Variants in TENM1 observed in about 807,000 individuals in gnomAD.
The protein encoded by TENM1 is teneurin transmembrane protein 1, also known as teneurin-1.
A neutral mutation model predicts 174.8 loss-of-function variants in TENM1; 35 were observed. The observed-to-expected ratio is 0.20, with a 90% CI of 0.15 to 0.27. TENM1 has a LOEUF of 0.27. TENM1 is among the 10% of genes least tolerant of loss of function. The pLI, the probability that TENM1 is intolerant of heterozygous loss-of-function variation, is 1.00. For missense variants in TENM1, 1,633 were observed against 2,130.1 expected, an observed-to-expected ratio of 0.77 and a Z score of 4.59; for synonymous variants, 781 against 798.7, an observed-to-expected ratio of 0.98 and a Z score of 0.37.
At chrX:125,160,694 C>T in the TENM1 span, among the ~76,000 whole-genome samples, 1 of 109,762 alleles carries the variant, frequency 9.1e-6, no homozygotes, top group Non-Finnish European at 1.9e-5. Context: ...TATCCTCGCT[C>T]CTCCACTTAT....
At chrX:124,395,432 AAAG>A (rs1200062638) in intron 27 of TENM1, among the ~76,000 whole-genome samples, 2 of 110,828 alleles carry the variant, frequency 1.8e-5, no homozygotes, top group East Asian at 2.8e-4. Context: ...AAAAAAAAAA[AAAG>A]AAGACCTACC....
intron 4 of TENM1, among the ~76,000 whole-genome samples, chrX:124,708,460 T>C (rs2052964314): frequency 2.7e-5 from 3 of 111,651 alleles, no homozygotes; most frequent in Admixed American, 1.9e-4. Flanking sequence ...TAGGAATTTT[T>C]CCTCAGGAAA....
At chrX:124,810,220 T>A (rs1052163650) in intron 3 of TENM1, among the ~76,000 whole-genome samples, 1 of 111,857 alleles carries the variant, frequency 8.9e-6, no homozygotes. Context: ...TCCAGAATAA[T>A]TAGACAGTAG....
chrX:124,811,751 T>C (rs1424239488), intron 3 of TENM1, among the ~76,000 whole-genome samples: 1 of 111,604 alleles, frequency 9.0e-6, no homozygotes, highest in Non-Finnish European at 1.9e-5. Context: ...ATAGTCAAGA[T>C]ATGAAATCAA....
chrX:124,530,599 C>T (rs922456759), intron 15 of TENM1, among the ~76,000 whole-genome samples: 1 of 111,308 alleles, frequency 9.0e-6, no homozygotes, highest in African/African-American at 3.3e-5. Context: ...TTTTAAGCCT[C>T]CTGATATACA....
intron 18 of TENM1, among the ~76,000 whole-genome samples, chrX:124,512,672 A>T (rs1208105496): frequency 9.7e-6 from 1 of 103,286 alleles, no homozygotes; most frequent in Non-Finnish European, 2.0e-5. Flanking sequence ...CTGTTTCCTT[A>T]CAAAAAAATG....
chrX:124,783,780 A>G (rs1039582370), intron 3 of TENM1, among the ~76,000 whole-genome samples: 1 of 112,153 alleles, frequency 8.9e-6, no homozygotes, highest in Non-Finnish European at 1.9e-5. Context: ...GGTGGCAGAA[A>G]TCTTGACAGA....
At chrX:125,005,407 T>TTGTGTGTGTGTG in the TENM1 span, among the ~76,000 whole-genome samples, 1 of 89,479 alleles carries the variant, frequency 1.1e-5, no homozygotes, top group Non-Finnish European at 2.2e-5. Context: ...CCTGACTTGG[T>TTGTGTGTGTGTG]TGTGTGTGTG....
chrX:124,448,535 A>T (rs186031025), intron 23 of TENM1, among the ~76,000 whole-genome samples: 15 of 102,730 alleles, frequency 1.5e-4, no homozygotes, highest in Non-Finnish European at 3.0e-4. Flanking sequence ...CGCTGTTATT[A>T]TCTCTTCATT....
intron 11 of TENM1, among the ~76,000 whole-genome samples, chrX:124,588,808 T>C (rs749585913): frequency 1.8e-5 from 2 of 112,065 alleles, no homozygotes; most frequent in East Asian, 2.8e-4. Flanking sequence ...GCAGAGTCTT[T>C]AGGGTTTTCT....
At chrX:124,731,273 G>C (rs143940578) in intron 4 of TENM1, among the ~76,000 whole-genome samples, 312 of 112,122 alleles carry the variant, frequency 2.8e-3, no homozygotes, top group African/African-American at 9.4e-3. Flanking sequence ...GCCAATATCT[G>C]AGAGGCCTTC....
exon 32 of TENM1, chrX:124,380,770 C>A (rs1421951924): frequency 8.3e-7 from 1 of 1,209,998 alleles, no homozygotes; most frequent in Non-Finnish European, 1.1e-6. Context: ...GTCTGGCAAT[C>A]TCCAACACGT....
rs758438703 is a variant in TENM1, at chrX:124,440,627, A to G, written c.4104+12710T>C. Reference sequence around the variant, plus strand: ...ACCATCTTTCAGAGGAGAGCAGAATAAATGATACAGAACGAAATGTTATTT... The same window carrying G: ...ACCATCTTTCAGAGGAGAGCAGAATGAATGATACAGAACGAAATGTTATTT... On this transcript the variant is annotated intron_variant, in intron 23 of 31. Transcript: ENST00000422452. 7.1e-5 allele frequency among the ~76,000 whole-genome samples: 8 copies of G among 111,914 alleles called. No homozygotes were observed. The South Asian group carries it at 3.0e-3, about 42-fold the overall frequency.
chrX:125,018,430 T>G, the TENM1 span, among the ~76,000 whole-genome samples: 1 of 111,582 alleles, frequency 9.0e-6, no homozygotes, highest in African/African-American at 3.3e-5. Context: ...GACATTAAAA[T>G]GTTTATTTTG....
chrX:124,624,427 GA>G (rs200434534), intron 11 of TENM1, among the ~76,000 whole-genome samples: 1,272 of 111,887 alleles, frequency 0.011, 20 homozygotes, highest in African/African-American at 0.039. Flanking sequence ...CCGATGTTAA[GA>G]TTCACTATGT....
At chrX:124,807,170 G>T (rs1418394933) in intron 3 of TENM1, among the ~76,000 whole-genome samples, 1 of 111,746 alleles carries the variant, frequency 8.9e-6, no homozygotes, top group Non-Finnish European at 1.9e-5. Flanking sequence ...ATGGTGCTAA[G>T]TCATTCATGA....
At chrX:124,978,784 C>T in the TENM1 span, among the ~76,000 whole-genome samples, 3 of 111,633 alleles carry the variant, frequency 2.7e-5, no homozygotes, top group Non-Finnish European at 5.6e-5. Context: ...ATGTTGATGC[C>T]ATCTTCATAT....
At chrX:125,183,746 T>C in the TENM1 span, among the ~76,000 whole-genome samples, 1 of 111,850 alleles carries the variant, frequency 8.9e-6, no homozygotes, top group Non-Finnish European at 1.9e-5. Context: ...TGAGTGATAG[T>C]GGCATTAGAA....
At chrX:125,014,988 T>C in the TENM1 span, among the ~76,000 whole-genome samples, 29 of 111,307 alleles carry the variant, frequency 2.6e-4, no homozygotes, top group Admixed American at 2.7e-3. Flanking sequence ...GAAGGGATTC[T>C]GTTTATGCCT....
Sources: gnomAD v4.1 joint callset for allele counts (sites outside exome capture counted in the v4.1 genomes callset) on GRCh38, gnomAD v4.1.1 for gene constraint, MANE v1.5 for transcripts, NCBI Gene and HGNC (gene_info 2026-07-23, HGNC 2026-07-21) for gene names.